Variants in ANKS1B observed in about 807,000 individuals in gnomAD.
ANKS1B encodes the protein ankyrin repeat and sterile alpha motif domain-containing protein 1B.
Under a neutral mutation model 148.3 loss-of-function variants are expected in ANKS1B, and 36 were observed. The ratio of observed to expected loss-of-function variants is 0.24; its 90% confidence interval spans 0.19 to 0.32. The LOEUF (loss-of-function observed/expected upper bound fraction) is 0.32. Ranked by LOEUF, ANKS1B falls within the 10% of genes least tolerant of loss-of-function variation. The pLI is 1.00. For missense variants in ANKS1B, 1,157 were observed against 1,542.6 expected (o/e 0.75, Z 4.19); for synonymous variants, 542 against 560.8 (o/e 0.97, Z 0.47).
chr12:99,450,326 A>C (rs2095711130), intron 10 of ANKS1B, among the ~76,000 whole-genome samples: 1 of 152,180 alleles, frequency 6.6e-6, no homozygotes, highest in Admixed American at 6.5e-5. Flanking sequence ...TATTAATCTC[A>C]TCCAAAAACA....
chr12:99,689,085 T>C (rs1446056345), intron 8 of ANKS1B, among the ~76,000 whole-genome samples: 8 of 152,158 alleles, frequency 5.3e-5, no homozygotes, highest in Admixed American at 3.3e-4. Context: ...ATCCTCTACT[T>C]CCTCATCTTC....
At chr12:98,837,093 A>G (rs59950449) in intron 17 of ANKS1B, among the ~76,000 whole-genome samples, 2,899 of 152,128 alleles carry the variant, frequency 0.019, 41 homozygotes, top group Middle Eastern at 0.034. Flanking sequence ...GCACTTTGGG[A>G]GGCTGAGATG....
Position 98,830,790 on chromosome 12 carries a change from C to T in ANKS1B, c.2886+1239G>A, listed in dbSNP as rs139148624. Among the ~76,000 whole-genome samples, 720 of 152,176 alleles carry T rather than the reference C, an allele frequency of 4.7e-3. 4 individuals carry two copies. Among genetic ancestry groups the T allele is most frequent in the African/African-American group, 0.016 (677 of 41,518 alleles). On this transcript the variant is annotated intron_variant, in intron 18 of 26. Transcript: ENST00000683438. Reference sequence around the variant, plus strand: ...AAAGTTCTTGTAGGACTCATGAACACCAGTGACTGCCGGCCACTTCTTGCC... The same window carrying T: ...AAAGTTCTTGTAGGACTCATGAACATCAGTGACTGCCGGCCACTTCTTGCC...
chr12:98,780,677 C>T (rs1271764510), intron 24 of ANKS1B, among the ~76,000 whole-genome samples: 1 of 152,056 alleles, frequency 6.6e-6, no homozygotes, highest in Admixed American at 6.6e-5. Context: ...ATATATATCT[C>T]TAGATAAACA....
intron 8 of ANKS1B, among the ~76,000 whole-genome samples, chr12:99,756,438 C>G (rs10860514): frequency 0.19 from 28,841 of 151,904 alleles, 3,320 homozygotes; most frequent in East Asian, 0.54. Context: ...AGAGATGACA[C>G]AAACAAAAAT....
At chr12:99,473,776 T>C (rs540555002) in intron 10 of ANKS1B, among the ~76,000 whole-genome samples, 2 of 152,220 alleles carry the variant, frequency 1.3e-5, no homozygotes, top group East Asian at 3.9e-4. Flanking sequence ...TTTTTGTTGT[T>C]GTCTTTTCCT....
intron 12 of ANKS1B, among the ~76,000 whole-genome samples, chr12:99,297,226 TGACA>T (rs1300247602): frequency 6.6e-6 from 1 of 152,204 alleles, no homozygotes; most frequent in Non-Finnish European, 1.5e-5. Flanking sequence ...GTCATAATTT[TGACA>T]GACAGAGGCA....
chr12:99,273,775 C>T (rs1204880895), intron 12 of ANKS1B, among the ~76,000 whole-genome samples: 2 of 151,198 alleles, frequency 1.3e-5, no homozygotes, highest in African/African-American at 2.5e-5. Flanking sequence ...TTAGTAGAGA[C>T]GGAGTTTCAC....
At chr12:98,778,528 A>C (rs752333805) in intron 24 of ANKS1B, among the ~76,000 whole-genome samples, 12 of 152,222 alleles carry the variant, frequency 7.9e-5, no homozygotes, top group Non-Finnish European at 7.3e-5. Flanking sequence ...ATCCCTGGTG[A>C]AAACAGAAAG....
At chr12:99,626,428 GA>G (rs1024710033) in intron 9 of ANKS1B, among the ~76,000 whole-genome samples, 1 of 152,100 alleles carries the variant, frequency 6.6e-6, no homozygotes, top group African/African-American at 2.4e-5. Context: ...CTACATGTTT[GA>G]AAAATCGATA....
At chr12:99,648,159 T>A in intron 9 of ANKS1B, 5 of 1,589,932 alleles carry the variant, frequency 3.1e-6, no homozygotes, top group Non-Finnish European at 4.3e-6. Context: ...GGAACTGTCT[T>A]GATTTAAAGG....
intron 17 of ANKS1B, among the ~76,000 whole-genome samples, chr12:98,917,597 C>CT (rs1386007543): frequency 6.6e-6 from 1 of 152,212 alleles, no homozygotes; most frequent in African/African-American, 2.4e-5. Context: ...TTTTGCTTTG[C>CT]TTTTTATTTT....
intron 15 of ANKS1B, among the ~76,000 whole-genome samples, chr12:99,143,760 A>G (rs2071885845): frequency 6.6e-6 from 1 of 152,068 alleles, no homozygotes; most frequent in African/African-American, 2.4e-5. Context: ...ACTGCTTAAT[A>G]TCTGTATAAG....
At chr12:99,160,536 G>C (rs1320394992) in intron 14 of ANKS1B, among the ~76,000 whole-genome samples, 1 of 147,556 alleles carries the variant, frequency 6.8e-6, no homozygotes, top group African/African-American at 2.5e-5. Context: ...TTTTAGTAGA[G>C]ATGGGGTTTC....
At chr12:99,792,585 G>A (rs2065789818) in intron 4 of ANKS1B, among the ~76,000 whole-genome samples, 1 of 151,880 alleles carries the variant, frequency 6.6e-6, no homozygotes, top group Admixed American at 6.6e-5. Flanking sequence ...GTGATACCCT[G>A]TATCAACAGA....
chr12:99,088,838 GTT>G (rs386377539), intron 15 of ANKS1B, among the ~76,000 whole-genome samples: 4 of 69,850 alleles, frequency 5.7e-5, no homozygotes, highest in African/African-American at 1.9e-4. Context: ...TTTAACTTCT[GTT>G]TTTTTTTTTT....
intron 10 of ANKS1B, among the ~76,000 whole-genome samples, chr12:99,459,131 C>A (rs548461284): frequency 6.6e-6 from 1 of 152,064 alleles, no homozygotes; most frequent in Non-Finnish European, 1.5e-5. Context: ...AAATGTGATA[C>A]ACCACATAAA....
chr12:99,592,225 T>C (rs1330234776), intron 9 of ANKS1B, among the ~76,000 whole-genome samples: 2 of 152,154 alleles, frequency 1.3e-5, no homozygotes, highest in East Asian at 1.9e-4. Context: ...ATCTTGGTGG[T>C]TGATCTAAAG....
At chr12:98,773,735 C>G (rs963707632) in intron 24 of ANKS1B, among the ~76,000 whole-genome samples, 3 of 152,190 alleles carry the variant, frequency 2.0e-5, no homozygotes, top group Non-Finnish European at 2.9e-5. Context: ...GGATTACAGG[C>G]GTGAGTCACC....
Sources: gnomAD v4.1 joint callset for allele counts (sites outside exome capture counted in the v4.1 genomes callset) on GRCh38, gnomAD v4.1.1 for gene constraint, MANE v1.5 for transcripts, NCBI Gene and HGNC (gene_info 2026-07-23, HGNC 2026-07-21) for gene names.